Variants in JAG1 observed in about 807,000 individuals in gnomAD.
JAG1 encodes jagged canonical Notch ligand 1.
In JAG1, 23 loss-of-function variants were observed where a neutral mutation model predicts 148.7. The ratio of observed to expected loss-of-function variants is 0.15; its 90% confidence interval spans 0.11 to 0.22. The LOEUF (loss-of-function observed/expected upper bound fraction) is 0.22. Among genes scored for constraint, JAG1 ranks in the 10% least tolerant of loss-of-function variants. The pLI is 1.00. For synonymous variants in JAG1, 572 were observed against 598.3 expected (o/e 0.96, Z 0.64); for missense variants, 1,054 against 1,611.2 (o/e 0.65, Z 5.92).
intron 23 of JAG1, 24 bp from the exon 24 acceptor site, chr20:10,641,268 C>T: frequency 1.2e-6 from 2 of 1,612,640 alleles, no homozygotes; most frequent in African/African-American, 1.3e-5. Flanking sequence ...TAAAAACCCA[C>T]ACACGTGTAA....
intron 21 of JAG1, among the ~76,000 whole-genome samples, 163 bp downstream of exon 21, chr20:10,642,325 G>A (rs1452859942): frequency 6.6e-6 from 1 of 152,198 alleles, no homozygotes; most frequent in Non-Finnish European, 1.5e-5. Context: ...AAAAACAACA[G>A]CTACCTGTTT....
chr20:10,641,288 G>A (rs990227906), intron 23 of JAG1, 44 bp from the exon 24 acceptor site: 19 of 1,611,076 alleles, frequency 1.2e-5, no homozygotes, highest in Non-Finnish European at 1.5e-5. Flanking sequence ...AGATTGAGAG[G>A]AAGAACAAAA....
intron 11 of JAG1, 38 bp downstream of exon 11, chr20:10,649,023 A>G (rs1490819579): frequency 2.6e-6 from 4 of 1,525,982 alleles, no homozygotes; most frequent in Admixed American, 1.7e-5. Flanking sequence ...ATTTGTTGTC[A>G]ATTGTCAAAG....
At chr20:10,664,546 T>C (rs1162079925) in intron 2 of JAG1, among the ~76,000 whole-genome samples, 2 of 152,100 alleles carry the variant, frequency 1.3e-5, no homozygotes, top group Admixed American at 1.3e-4. Context: ...GAAAACTCTG[T>C]CTATGTGAGA....
intron 13 of JAG1, chr20:10,647,418 CTTTA>C (rs1201501978): frequency 2.2e-6 from 1 of 456,804 alleles, no homozygotes; most frequent in South Asian, 2.1e-5. Flanking sequence ...AAAGGACCTG[CTTTA>C]TTTACTTCCT....
chr20:10,643,123 C>T (rs1414420663), intron 20 of JAG1, among the ~76,000 whole-genome samples: 2 of 152,254 alleles, frequency 1.3e-5, no homozygotes, highest in Non-Finnish European at 2.9e-5. Context: ...TACAACCTGC[C>T]CCCATCTAGT....
In JAG1 at chr20:10,644,920, C is replaced by T. The variant is rs746939887; in HGVS notation, c.2287G>A (p.Gly763Ser). Residue 763 changes from glycine to serine, a missense_variant, in exon 18 of 26, where the codon GGC (glycine) becomes AGC (serine). By Grantham distance (56) the Gly-to-Ser change is moderately conservative. This residue lies in a region of JAG1 where 342 missense variants were observed against 514.6 expected (regional missense o/e 0.66). Coordinates refer to ENST00000254958, the MANE Select transcript of JAG1 (RefSeq NM_000214.3). ...TTGCAGACGCACGTAAAGGACTCGC[C>T]GTTGACCACACATGTGCCCCCATTA... ...CHNGGTCVVN[G>S]ESFTCVCKEG... 74 of 1,614,036 alleles carry T rather than the reference C, an allele frequency of 4.6e-5. No individual in the cohort carries two copies. The highest frequency in any genetic ancestry group is 5.0e-5 in the Non-Finnish European group (59 of 1,180,036).
At chr20:10,652,342 A>G (rs2067352924) in intron 6 of JAG1, 92 bp from the exon 7 acceptor site, 3 of 1,599,532 alleles carry the variant, frequency 1.9e-6, no homozygotes, top group East Asian at 4.5e-5. Flanking sequence ...AAAAAGAAAA[A>G]CCAGAAAACC....
chr20:10,670,465 T>C (rs1292498877), intron 2 of JAG1, among the ~76,000 whole-genome samples: 1 of 152,224 alleles, frequency 6.6e-6, no homozygotes, highest in Non-Finnish European at 1.5e-5. Flanking sequence ...TTAAAAGACA[T>C]AGTTAATTGC....
chr20:10,671,236 T>A (rs1322688988), intron 2 of JAG1, among the ~76,000 whole-genome samples: 1 of 152,202 alleles, frequency 6.6e-6, no homozygotes, highest in East Asian at 1.9e-4. Flanking sequence ...CCAGACTCTT[T>A]AGCTTAAAGT....
rs1215764958 is a variant in JAG1, at chr20:10,639,469, T to C, written c.*29A>G. 7 of 1,586,972 alleles carry C rather than the reference T, an allele frequency of 4.4e-6. No individual in the cohort carries two copies. Among genetic ancestry groups the C allele is most frequent in the Admixed American group, 1.7e-5 (1 of 59,986 alleles). ...TAAAGAACTACAAGCCCTCAGACTC[T>C]ACCTAGCGGCGGCAGTGCCCGCGGT... On this transcript the variant is annotated 3_prime_UTR_variant, in exon 26 of 26. Coordinates refer to ENST00000254958, the MANE Select transcript of JAG1 (RefSeq NM_000214.3).
intron 3 of JAG1, among the ~76,000 whole-genome samples, chr20:10,659,562 T>TTTTTTTC (rs1239559174): frequency 2.8e-5 from 3 of 108,852 alleles, no homozygotes; most frequent in African/African-American, 8.7e-5. Flanking sequence ...TAAGTTACTT[T>TTTTTTTC]TTTTTTTTTT....
chr20:10,641,664 G>A lies in JAG1; in HGVS notation c.2712C>T (p.Leu904=). Residue 904 remains leucine (L), a synonymous_variant, in exon 23 of 26, where the codon CTC becomes CTT. Transcript: ENST00000254958. ...KVWCGPRPCL[L]HKGHSECPSG... Reference sequence around the variant, plus strand: ...TGGGGCACTCGCTGTGCCCTTTGTGGAGCAGGCAAGGTCGAGGGCCACACC... The same window carrying A: ...TGGGGCACTCGCTGTGCCCTTTGTGAAGCAGGCAAGGTCGAGGGCCACACC... The A allele has an allele frequency of 1.2e-6, 2 of 1,613,916 alleles. No homozygotes were observed. The highest frequency in any genetic ancestry group is 1.7e-6 in the Non-Finnish European group (2 of 1,180,024).
In JAG1 at chr20:10,673,963, C is replaced by T. The variant is rs73611723; in HGVS notation, c.-433G>A. 0.08 allele frequency: 12,224 copies of T among 152,190 alleles called. 708 individuals carry two copies. The highest frequency in any genetic ancestry group is 0.27 in the East Asian group (1,377 of 5,118). The allele number at this position is 152,190 out of a possible 1,614,324, so 9.4% of individuals were successfully genotyped here. A position where few individuals can be genotyped will look rare whatever the true frequency, so the allele number is the denominator to read the frequency against. ...CGCAGGTAACACAATGACGCGTGCCCGCCCGGCTCTCGGAGAAGGACCCGG... is the reference window on the plus strand; with the variant it reads ...CGCAGGTAACACAATGACGCGTGCCTGCCCGGCTCTCGGAGAAGGACCCGG... On this transcript the variant is annotated 5_prime_UTR_variant, in exon 1 of 26. Transcript: ENST00000254958. The surrounding 1 kb of genome is among the most constrained non-coding windows in gnomAD (Gnocchi z 4.7).
intron 10 of JAG1, 30 bp from the exon 11 acceptor site, chr20:10,649,137 G>A (rs889400409): frequency 4.0e-5 from 60 of 1,507,698 alleles, no homozygotes; most frequent in Non-Finnish European, 4.6e-5. Context: ...TCATTTTAAA[G>A]AGGTAATTTA....
Position 10,638,391 on chromosome 20 carries a change from A to T in JAG1, c.*1107T>A, listed in dbSNP as rs2067246767. Reference sequence around the variant, plus strand: ...AAGATTGGTGTGCTTCCAAGTTCACACAATTAATTTGATATTTTTAATCAT... The same window carrying T: ...AAGATTGGTGTGCTTCCAAGTTCACTCAATTAATTTGATATTTTTAATCAT... On this transcript the variant is annotated 3_prime_UTR_variant, in exon 26 of 26. Coordinates refer to ENST00000254958, the MANE Select transcript of JAG1 (RefSeq NM_000214.3). 6.5e-6 allele frequency: 1 copy of T among 152,672 alleles called. No individual in the cohort carries two copies. The highest frequency in any genetic ancestry group is 2.4e-5 in the African/African-American group (1 of 41,464). The allele number at this position is 152,672 out of a possible 1,614,324, so 9.5% of individuals were successfully genotyped here.
intron 20 of JAG1, among the ~76,000 whole-genome samples, chr20:10,643,576 C>T (rs150410006): frequency 1.9e-4 from 29 of 152,274 alleles, no homozygotes; most frequent in African/African-American, 6.7e-4. Context: ...AGGAGGGCTA[C>T]ACCACCCAGG....
At position 10,673,248 on chromosome 20, in the gene JAG1, C is replaced by A. The variant is rs1157812020; in HGVS notation, c.81+202G>T. ...ACAGCGGAGCGAACGCGCCCCTGTC[C>A]GGCCTGGAGGGGTCACCCTCAGGAG... On this transcript the variant is annotated intron_variant, in intron 1 of 25. Transcript: ENST00000254958. The surrounding 1 kb of genome is among the most constrained non-coding windows in gnomAD (Gnocchi z 4.7). 6.6e-6 allele frequency among the ~76,000 whole-genome samples: 1 copy of A among 151,916 alleles called. No individual in the cohort carries two copies. Among genetic ancestry groups the A allele is most frequent in the Non-Finnish European group, 1.5e-5 (1 of 68,000 alleles).
At position 10,652,791 on chromosome 20, in the gene JAG1, C is replaced by T. The variant is rs567630217; in HGVS notation, c.756-193G>A. ...AGTTGAGCTGAGGTCCCCTCCCAGC[C>T]GACTCCTGACAAAAGGAGGGCTGTT... On this transcript the variant is annotated intron_variant, in intron 5 of 25. Coordinates refer to ENST00000254958, the MANE Select transcript of JAG1 (RefSeq NM_000214.3). 147 of 519,032 alleles carry T rather than the reference C, an allele frequency of 2.8e-4. 1 individual carries two copies. Among genetic ancestry groups the T allele is most frequent in the African/African-American group, 2.5e-3 (130 of 51,954 alleles). The allele number at this position is 519,032 out of a possible 1,614,324, so 32.2% of individuals were successfully genotyped here.
Sources: allele counts gnomAD v4.1 joint callset (sites outside exome capture counted in the v4.1 genomes callset), GRCh38; gene constraint gnomAD v4.1.1; regional missense constraint gnomAD v4.1.1; non-coding constraint Gnocchi (gnomAD v3.1); transcripts MANE v1.5; gene names NCBI Gene and HGNC (gene_info 2026-07-23, HGNC 2026-07-21).